Variants in EIF2AK1 observed in about 807,000 individuals in gnomAD.
The protein encoded by EIF2AK1 is eukaryotic translation initiation factor 2 alpha kinase 1, also known as eukaryotic translation initiation factor 2-alpha kinase 1.
A neutral mutation model predicts 77.9 loss-of-function variants in EIF2AK1; 54 were observed. The ratio of observed to expected loss-of-function variants is 0.69; its 90% CI spans 0.56 to 0.87. The LOEUF (loss-of-function observed/expected upper bound fraction) is 0.87. Ranked by LOEUF, EIF2AK1 falls within the 40% of genes least tolerant of loss-of-function variation. The probability of loss-of-function intolerance (pLI) is 0.00; values close to 1 mark genes in which losing one functional copy is unlikely to be tolerated. For synonymous variants in EIF2AK1, 314 were observed against 290.5 expected (o/e 1.08, Z -0.82); for missense variants, 810 against 768.6 (o/e 1.05, Z -0.64).
At chr7:6,043,547 G>T (rs1488086352) in intron 7 of EIF2AK1, among the ~76,000 whole-genome samples, 1 of 151,962 alleles carries the variant, frequency 6.6e-6, no homozygotes, top group Non-Finnish European at 1.5e-5. Flanking sequence ...TGCTGCCTCA[G>T]CCTCCCGAGT....
intron 11 of EIF2AK1, among the ~76,000 whole-genome samples, chr7:6,030,883 T>C (rs1367149120): frequency 2.6e-5 from 4 of 152,134 alleles, no homozygotes; most frequent in Admixed American, 6.6e-5. Flanking sequence ...ATGGCTTTAT[T>C]TAAGCAAAGA....
chr7:6,056,235 G>C (rs1788755200), intron 1 of EIF2AK1, among the ~76,000 whole-genome samples: 1 of 141,656 alleles, frequency 7.1e-6, no homozygotes, highest in Non-Finnish European at 1.5e-5. Flanking sequence ...GGAGGTTGCA[G>C]TGAGCCGAGA....
At chr7:6,050,225 A>AT (rs149665123) in intron 2 of EIF2AK1, among the ~76,000 whole-genome samples, 180 bp from the exon 3 acceptor site, 6 of 151,730 alleles carry the variant, frequency 4.0e-5, no homozygotes, top group Non-Finnish European at 7.4e-5. Context: ...CGTAAAAGAA[A>AT]TTTTTTTTTG....
intron 13 of EIF2AK1, 52 bp downstream of exon 13, chr7:6,028,563 T>A: frequency 6.3e-7 from 1 of 1,577,820 alleles, no homozygotes; most frequent in Admixed American, 1.7e-5. Context: ...TGTATTGTTA[T>A]TTAAGACTGC....
In EIF2AK1 at chr7:6,023,474, G is replaced by C; in HGVS notation, c.*1199C>G. ...ATTTTTCAGTTAAAAGAGGGAAGCAGTAAAGAAAAAGCCGCTGTTTTCCGC... is the reference window on the plus strand; with the variant it reads ...ATTTTTCAGTTAAAAGAGGGAAGCACTAAAGAAAAAGCCGCTGTTTTCCGC... On this transcript the variant is annotated 3_prime_UTR_variant, in exon 15 of 15. Transcript: ENST00000199389. 6.2e-7 allele frequency: 1 copy of C among 1,614,158 alleles called. No homozygotes were observed. The highest frequency in any genetic ancestry group is 8.5e-7 in the Non-Finnish European group (1 of 1,179,972).
rs139583906 is a variant in EIF2AK1, at chr7:6,022,979, G to A, written c.*1694C>T. 3.5e-3 allele frequency: 951 copies of A among 274,824 alleles called. 16 individuals are homozygous for A. The highest frequency in any genetic ancestry group is 0.012 in the East Asian group (163 of 13,472). The allele number at this position is 274,824 out of a possible 1,614,324, so 17.0% of individuals were successfully genotyped here. On this transcript the variant is annotated 3_prime_UTR_variant, in exon 15 of 15. Transcript: ENST00000199389. ...TGAGGCCAAGAGCCTGGGAGATGCAGCTCCTGGGTTTCCAGCCCTCAGCCC... is the reference window on the plus strand; with the variant it reads ...TGAGGCCAAGAGCCTGGGAGATGCAACTCCTGGGTTTCCAGCCCTCAGCCC...
In EIF2AK1 at chr7:6,046,117, A is replaced by G. The variant is rs1788438141; in HGVS notation, c.584T>C (p.Ile195Thr). The change falls in exon 6 of 15, where the codon ATA (isoleucine) becomes ACA (threonine). Residue 195 changes from isoleucine (I) to threonine (T), a missense_variant. By Grantham distance (89) the Ile-to-Thr change is moderately conservative (BLOSUM62 -1). Around this residue, in one of 3 missense-constraint regions of EIF2AK1, gnomAD observed 549 missense variants for 533.7 expected, o/e 1.03. Coordinates refer to ENST00000199389, the MANE Select transcript of EIF2AK1 (RefSeq NM_014413.4). ...TGCACCCTTAATCAGGATTTTTTTTATTGCATAATACTGACCATCTAATTT... is the reference window on the plus strand; with the variant it reads ...TGCACCCTTAATCAGGATTTTTTTTGTTGCATAATACTGACCATCTAATTT... ...RNKLDGQYYA[I>T]KKILIKGATK... 6.4e-7 allele frequency: 1 copy of G among 1,572,808 alleles called. No individual in the cohort carries two copies. The highest frequency in any genetic ancestry group is 1.4e-5 in the African/African-American group (1 of 72,524).
rs1471297337 is a variant in EIF2AK1 at position 6,027,545 on chromosome 7, C to T, written c.1531-584G>A. On this transcript the variant is annotated intron_variant, in intron 13 of 14. Transcript: ENST00000199389. This position sits in a 1 kb window ranked among gnomAD's most constrained non-coding sequence, Gnocchi z 4.5. ...ATCAAAAGGAAGAAAATTTTACTAG[C>T]CTGTTGTTTTGAAAAATGGATTTTA... Among the ~76,000 whole-genome samples, 1 of 152,052 alleles carries T rather than the reference C, an allele frequency of 6.6e-6. No homozygotes were observed. Among genetic ancestry groups the T allele is most frequent in the Non-Finnish European group, 1.5e-5 (1 of 68,018 alleles).
At chr7:6,046,920 G>C in intron 5 of EIF2AK1, 72 bp downstream of exon 5, 2 of 1,338,738 alleles carry the variant, frequency 1.5e-6, no homozygotes, top group South Asian at 2.8e-5. Context: ...ATAAATAAAA[G>C]AATAATGAAA....
chr7:6,046,623 GC>G (rs1788450690), intron 5 of EIF2AK1: 1 of 173,432 alleles, frequency 5.8e-6, no homozygotes. Flanking sequence ...ATGAAAACAG[GC>G]CGAGCACGGT....
rs1787658732 is a variant in EIF2AK1, at chr7:6,023,920, T to C, written c.*753A>G. 3 of 1,478,292 alleles carry C rather than the reference T, an allele frequency of 2.0e-6. No homozygotes were observed. Among genetic ancestry groups the C allele is most frequent in the Non-Finnish European group, 2.7e-6 (3 of 1,109,616 alleles). 91.6% of individuals were successfully genotyped at this position (1,478,292 alleles called of 1,614,324 possible). On this transcript the variant is annotated 3_prime_UTR_variant, in exon 15 of 15. Transcript: ENST00000199389. The stretch of plus-strand genomic sequence containing the variant: ...ACTCCATGGCAGACCCTTTCTGGGA[T>C]TCAAAAACCAATTCATCAGATCGCT...
chr7:6,040,859 GC>G (rs1289196971), intron 9 of EIF2AK1, 32 bp downstream of exon 9: 2 of 1,576,288 alleles, frequency 1.3e-6, no homozygotes, highest in South Asian at 1.1e-5. Flanking sequence ...ACCAATACTG[GC>G]CAAATTAGGA....
chr7:6,052,584 T>TAAAAA (rs56106343), intron 2 of EIF2AK1, among the ~76,000 whole-genome samples: 21 of 97,140 alleles, frequency 2.2e-4, no homozygotes, highest in African/African-American at 5.2e-4. Context: ...ACTGTTTTGG[T>TAAAAA]AAAAAAAAAA....
In EIF2AK1 at chr7:6,023,122, C is replaced by T; in HGVS notation, c.*1551G>A. The T allele has an allele frequency of 1.4e-6, 1 of 696,348 alleles. No individual in the cohort carries two copies. Among genetic ancestry groups the T allele is most frequent in the Non-Finnish European group, 2.3e-6 (1 of 437,798 alleles). 43.1% of individuals were successfully genotyped at this position (696,348 alleles called of 1,614,324 possible). A position where few individuals can be genotyped will look rare whatever the true frequency, so the allele number is the denominator to read the frequency against. ...GGTTACTTTTTTAACATAGTTTGCA[C>T]TTAAACCCTTTTCAGTAGTAAGCAT... On this transcript the variant is annotated 3_prime_UTR_variant, in exon 15 of 15. Transcript: ENST00000199389.
intron 11 of EIF2AK1, among the ~76,000 whole-genome samples, chr7:6,029,860 G>A (rs1787854282): frequency 6.6e-6 from 1 of 152,054 alleles, no homozygotes; most frequent in African/African-American, 2.4e-5. Flanking sequence ...GTGCATGCCT[G>A]TAATCCCAGC....
intron 2 of EIF2AK1, among the ~76,000 whole-genome samples, chr7:6,052,012 A>T (rs1788618953): frequency 6.6e-6 from 1 of 151,930 alleles, no homozygotes; most frequent in African/African-American, 2.4e-5. Flanking sequence ...CTCTACTAAA[A>T]ATACAAAAAA....
chr7:6,058,905 C>G, intron 1 of EIF2AK1, 61 bp downstream of exon 1: 1 of 1,407,918 alleles, frequency 7.1e-7, no homozygotes, highest in Non-Finnish European at 9.5e-7. Context: ...CTGCCTTTGC[C>G]GCCCAGAAAC....
rs1284132161 is a variant in EIF2AK1, at chr7:6,023,967, T to C, written c.*706A>G. On this transcript the variant is annotated 3_prime_UTR_variant, in exon 15 of 15. Coordinates refer to ENST00000199389, the MANE Select transcript of EIF2AK1 (RefSeq NM_014413.4). ...CGCTGCCTCTGAGGGATGTACAGAT[T>C]GGCTGGGGAGCTGAGTGCTACAATA... 2 of 1,388,688 alleles carry C rather than the reference T, an allele frequency of 1.4e-6. No individual in the cohort carries two copies. Among genetic ancestry groups the C allele is most frequent in the South Asian group, 1.2e-5 (1 of 81,896 alleles). The allele number at this position is 1,388,688 out of a possible 1,614,324, so 86.0% of individuals were successfully genotyped here. A position where few individuals can be genotyped will look rare whatever the true frequency, so the allele number is the denominator to read the frequency against.
rs969894976 is a variant in EIF2AK1, at chr7:6,035,545, C to T, written c.1332+1879G>A. 12 of 1,551,214 alleles carry T rather than the reference C, an allele frequency of 7.7e-6. No homozygotes were observed. The South Asian group carries it at 1.4e-4, about 18-fold the overall frequency. ...GGCAACAGAACGCACAGGATCCTGA[C>T]AGACATTCAGAATAGCAGCATCACA... On this transcript the variant is annotated intron_variant, in intron 11 of 14. Coordinates refer to ENST00000199389, the MANE Select transcript of EIF2AK1 (RefSeq NM_014413.4). The surrounding 1 kb of genome is among the most constrained non-coding windows in gnomAD (Gnocchi z 5.5).
Sources: gnomAD v4.1 joint callset for allele counts (sites outside exome capture counted in the v4.1 genomes callset) on GRCh38, gnomAD v4.1.1 for gene constraint, gnomAD v4.1.1 regional missense constraint, Gnocchi (gnomAD v3.1) non-coding constraint, MANE v1.5 for transcripts, NCBI Gene and HGNC (gene_info 2026-07-23, HGNC 2026-07-21) for gene names.